CSMD3: variants seen among roughly 807,000 people sequenced by gnomAD.
The protein encoded by CSMD3 is CUB and Sushi multiple domains 3.
In CSMD3, 177 loss-of-function variants were observed where a neutral mutation model predicts 435.2. That is an observed-to-expected ratio of 0.41 (90% CI 0.36 to 0.46). CSMD3 has a LOEUF of 0.46. Among genes scored for constraint, CSMD3 ranks in the 20% least tolerant of loss-of-function variants. The pLI, the probability that CSMD3 is intolerant of heterozygous loss-of-function variation, is 0.34. For synonymous variants in CSMD3, 1,656 were observed against 1,520.5 expected (o/e 1.09, Z -2.07); for missense variants, 4,265 against 4,504.6 (o/e 0.95, Z 1.52).
At chr8:113,399,106 T>TACACACACACACAC (rs56045224) in intron 1 of CSMD3, among the ~76,000 whole-genome samples, 1 of 95,096 alleles carries the variant, frequency 1.1e-5, no homozygotes, top group African/African-American at 4.5e-5. Flanking sequence ...TATATATATA[T>TACACACACACACAC]ACACACACAC....
intron 32 of CSMD3, 64 bp downstream of exon 32, chr8:112,472,527 G>A: frequency 1.2e-6 from 1 of 869,350 alleles, no homozygotes; most frequent in African/African-American, 1.6e-5. Context: ...TTTTTGAATA[G>A]CATGTAGTGA....
At position 112,445,780 on chromosome 8, in the gene CSMD3, CT is replaced by C. The variant is rs1043016387; in HGVS notation, c.5395+26810del. On this transcript the variant is annotated intron_variant, in intron 32 of 70. Coordinates refer to ENST00000297405, the MANE Select transcript of CSMD3 (RefSeq NM_198123.2). Reference sequence around the variant, plus strand: ...GTACAGCCTAAAAGCAACTAACTGACTTTAACAGGATACAATTTTTATGAAA... The same window carrying C: ...GTACAGCCTAAAAGCAACTAACTGACTTAACAGGATACAATTTTTATGAAA... Among the ~76,000 whole-genome samples, 14 of 152,196 alleles carry C rather than the reference CT, an allele frequency of 9.2e-5. No individual in the cohort carries two copies. In the East Asian group the frequency reaches 2.3e-3, roughly 25 times the overall value.
At chr8:113,119,006 A>G (rs1464737127) in intron 4 of CSMD3, among the ~76,000 whole-genome samples, 1 of 152,202 alleles carries the variant, frequency 6.6e-6, no homozygotes, top group Admixed American at 6.6e-5. Flanking sequence ...ACAAAAATGT[A>G]GCAAACCTTT....
At chr8:112,837,010 T>G (rs2080045732) in intron 11 of CSMD3, among the ~76,000 whole-genome samples, 1 of 151,812 alleles carries the variant, frequency 6.6e-6, no homozygotes, top group Non-Finnish European at 1.5e-5. Context: ...ATATTTTCCG[T>G]GCATCCCAAA....
At chr8:112,651,477 A>C (rs927772313) in intron 18 of CSMD3, among the ~76,000 whole-genome samples, 1 of 151,944 alleles carries the variant, frequency 6.6e-6, no homozygotes, top group Admixed American at 6.6e-5. Flanking sequence ...TCTTCAACAC[A>C]TCTACTTTTA....
chr8:112,692,385 A>C (rs2076156907), intron 13 of CSMD3, among the ~76,000 whole-genome samples: 1 of 152,144 alleles, frequency 6.6e-6, no homozygotes, highest in Admixed American at 6.6e-5. Context: ...GTGTTTTAAA[A>C]TTTATGGGTT....
intron 4 of CSMD3, among the ~76,000 whole-genome samples, chr8:113,164,485 C>A (rs1241380879): frequency 2.7e-5 from 4 of 150,242 alleles, no homozygotes; most frequent in African/African-American, 9.8e-5. Context: ...GTATTTAGAC[C>A]CAGTTTTACA....
chr8:112,633,453 A>G (rs2074572887), intron 22 of CSMD3, among the ~76,000 whole-genome samples: 1 of 152,070 alleles, frequency 6.6e-6, no homozygotes, highest in Admixed American at 6.6e-5. Flanking sequence ...CTTTACTGAT[A>G]AGATAGTTGT....
intron 5 of CSMD3, among the ~76,000 whole-genome samples, chr8:113,020,166 T>A (rs1208698053): frequency 1.4e-5 from 1 of 69,412 alleles, no homozygotes; most frequent in African/African-American, 9.4e-5. Flanking sequence ...CGAGACTCCG[T>A]CTCAAAAAAA....
intron 13 of CSMD3, among the ~76,000 whole-genome samples, chr8:112,714,956 C>G (rs770449013): frequency 1.3e-5 from 2 of 152,058 alleles, no homozygotes; most frequent in Non-Finnish European, 2.9e-5. Context: ...ACACTAAATG[C>G]CCACATCAGA....
chr8:112,355,273 T>G (rs1361408731), intron 38 of CSMD3, among the ~76,000 whole-genome samples: 2 of 152,178 alleles, frequency 1.3e-5, no homozygotes, highest in Non-Finnish European at 2.9e-5. Flanking sequence ...GAAATGCCAC[T>G]CTGGACATTG....
chr8:113,132,421 C>A (rs2091306826), intron 4 of CSMD3, among the ~76,000 whole-genome samples: 1 of 151,934 alleles, frequency 6.6e-6, no homozygotes, highest in African/African-American at 2.4e-5. Context: ...ACAGGTTTCC[C>A]CCTTGCTGTT....
chr8:113,317,246 C>T (rs1364642483), intron 1 of CSMD3, among the ~76,000 whole-genome samples: 1 of 152,064 alleles, frequency 6.6e-6, no homozygotes, highest in Non-Finnish European at 1.5e-5. Flanking sequence ...TACTTTGAAG[C>T]CTTAGGTTAA....
At chr8:112,292,379 G>C (rs568781473) in intron 55 of CSMD3, among the ~76,000 whole-genome samples, 158 bp downstream of exon 55, 2 of 152,024 alleles carry the variant, frequency 1.3e-5, no homozygotes, top group Non-Finnish European at 2.9e-5. Flanking sequence ...TTTAGAAAAA[G>C]GAAAGCATTG....
In CSMD3 at chr8:112,514,732, T is replaced by C. The variant is rs149131649; in HGVS notation, c.4756+2302A>G. 5.9e-3 allele frequency among the ~76,000 whole-genome samples: 903 copies of C among 152,186 alleles called. 9 individuals carry two copies. The highest frequency in any genetic ancestry group is 0.021 in the African/African-American group (855 of 41,530). On this transcript the variant is annotated intron_variant, in intron 28 of 70. Coordinates refer to ENST00000297405, the MANE Select transcript of CSMD3 (RefSeq NM_198123.2). ...CTTGCTATAAGACTGACTGTTTCTATATGCAAGCAAGCAAAACGCTTTATG... is the reference window on the plus strand; with the variant it reads ...CTTGCTATAAGACTGACTGTTTCTACATGCAAGCAAGCAAAACGCTTTATG...
At chr8:112,334,639 T>C (rs1432813193) in intron 45 of CSMD3, among the ~76,000 whole-genome samples, 1 of 152,190 alleles carries the variant, frequency 6.6e-6, no homozygotes, top group African/African-American at 2.4e-5. Flanking sequence ...CATTTTCTTA[T>C]TAATAATGGA....
chr8:112,843,483 T>A (rs2080236544), intron 11 of CSMD3, among the ~76,000 whole-genome samples: 1 of 151,906 alleles, frequency 6.6e-6, no homozygotes, highest in Non-Finnish European at 1.5e-5. Context: ...ACCAGACATG[T>A]CAAAAGGGAC....
At chr8:112,920,997 G>A (rs796069812) in intron 10 of CSMD3, among the ~76,000 whole-genome samples, 6,376 of 114,996 alleles carry the variant, frequency 0.055, 235 homozygotes, top group Middle Eastern at 0.083. Context: ...ACGCGCGCGC[G>A]CACACACACA....
intron 2 of CSMD3, among the ~76,000 whole-genome samples, chr8:113,304,980 G>A (rs1231045300): frequency 4.8e-5 from 7 of 146,872 alleles, no homozygotes; most frequent in Non-Finnish European, 1.0e-4. Context: ...CATAAAAAAT[G>A]ATGAGTTCAT....
Sources: gnomAD v4.1 joint callset for allele counts (sites outside exome capture counted in the v4.1 genomes callset) on GRCh38, gnomAD v4.1.1 for gene constraint, MANE v1.5 for transcripts, NCBI Gene and HGNC (gene_info 2026-07-23, HGNC 2026-07-21) for gene names.